SDCCAG8: variants seen among roughly 807,000 people sequenced by gnomAD.
SDCCAG8 encodes serologically defined colon cancer antigen 8.
A neutral mutation model predicts 101.8 loss-of-function variants in SDCCAG8; 74 were observed. The ratio of observed to expected loss-of-function variants is 0.73; its 90% CI spans 0.60 to 0.88. SDCCAG8 has a LOEUF of 0.88. Among genes scored for constraint, SDCCAG8 ranks in the 40% least tolerant of loss-of-function variants. The pLI, the probability that SDCCAG8 is intolerant of heterozygous loss-of-function variation, is 0.00. For synonymous variants in SDCCAG8, 281 were observed against 292.9 expected, an observed-to-expected ratio of 0.96 and a Z score of 0.41; for missense variants, 787 against 822.6, an observed-to-expected ratio of 0.96 and a Z score of 0.53.
In SDCCAG8 at chr1:243,454,793, C is replaced by G. The variant is rs144608294; in HGVS notation, c.1985+28235C>G. On this transcript the variant is annotated intron_variant, in intron 16 of 17. Coordinates refer to ENST00000366541, the MANE Select transcript of SDCCAG8 (RefSeq NM_006642.5). ...AGCATAGCATTTTGCAAGAGTGGAC[C>G]GTTCACCTGGTCAGGATTTCAGTCA... 3.7e-3 allele frequency among the ~76,000 whole-genome samples: 559 copies of G among 152,192 alleles called. 4 individuals are homozygous for G. Among genetic ancestry groups the G allele is most frequent in the African/African-American group, 0.013 (526 of 41,522 alleles).
At chr1:243,366,007 T>C (rs1477690969) in intron 12 of SDCCAG8, among the ~76,000 whole-genome samples, 1 of 152,094 alleles carries the variant, frequency 6.6e-6, no homozygotes, top group Non-Finnish European at 1.5e-5. Flanking sequence ...TAATTTAGGA[T>C]TATGAATGGC....
chr1:243,396,876 G>T (rs2079064922), intron 13 of SDCCAG8, among the ~76,000 whole-genome samples: 2 of 152,188 alleles, frequency 1.3e-5, no homozygotes, highest in African/African-American at 4.8e-5. Flanking sequence ...TCTTCTGCTG[G>T]TTAGCAGTAG....
chr1:243,485,325 T>C (rs910499709), intron 16 of SDCCAG8, among the ~76,000 whole-genome samples: 1 of 152,202 alleles, frequency 6.6e-6, no homozygotes, highest in Non-Finnish European at 1.5e-5. Flanking sequence ...ATTTAACAGG[T>C]AGTTTATTAA....
intron 12 of SDCCAG8, among the ~76,000 whole-genome samples, chr1:243,370,955 G>C (rs2077256459): frequency 6.6e-6 from 1 of 152,120 alleles, no homozygotes; most frequent in Admixed American, 6.6e-5. Context: ...TTCTTAGGCT[G>C]GCGTGGAGTT....
At position 243,475,074 on chromosome 1, in the gene SDCCAG8, G is replaced by A. The variant is rs574349444; in HGVS notation, c.1986-13940G>A. ...CAGCCTGGGAGGAGAGGAGCTGGCA[G>A]GGCAGGCCGCCCCCAGACACGCACA... On this transcript the variant is annotated intron_variant, in intron 16 of 17. Transcript: ENST00000366541. Among the ~76,000 whole-genome samples the A allele has an allele frequency of 3.9e-5, 6 of 152,280 alleles. No individual in the cohort carries two copies. In the South Asian group the frequency reaches 1.2e-3, roughly 32 times the overall value.
intron 5 of SDCCAG8, among the ~76,000 whole-genome samples, chr1:243,291,079 A>G (rs1185942296): frequency 6.6e-6 from 1 of 152,236 alleles, no homozygotes; most frequent in Non-Finnish European, 1.5e-5. Flanking sequence ...AGGTGAATGT[A>G]GTTTACCACG....
intron 13 of SDCCAG8, among the ~76,000 whole-genome samples, chr1:243,387,663 A>G (rs907380456): frequency 1.3e-5 from 2 of 152,166 alleles, no homozygotes; most frequent in Non-Finnish European, 2.9e-5. Flanking sequence ...AGAGTGATAG[A>G]GGCTGCCTTT....
intron 4 of SDCCAG8, among the ~76,000 whole-genome samples, chr1:243,283,650 G>C (rs2069288509): frequency 6.6e-6 from 1 of 151,908 alleles, no homozygotes; most frequent in African/African-American, 2.4e-5. Flanking sequence ...TTTTCATAGA[G>C]TTTTCATCTC....
intron 13 of SDCCAG8, among the ~76,000 whole-genome samples, chr1:243,404,593 C>T (rs889579104): frequency 6.6e-5 from 10 of 152,096 alleles, no homozygotes; most frequent in African/African-American, 1.4e-4. Flanking sequence ...CTTGGGCTCA[C>T]GTCAGTTTTT....
chr1:243,455,934 G>A (rs974699408), intron 16 of SDCCAG8, among the ~76,000 whole-genome samples: 2 of 152,138 alleles, frequency 1.3e-5, no homozygotes, highest in African/African-American at 2.4e-5. Context: ...GTTGGGCATC[G>A]CTGTGGCCCC....
At chr1:243,492,118 T>C (rs1666578492) in intron 17 of SDCCAG8, among the ~76,000 whole-genome samples, 1 of 151,730 alleles carries the variant, frequency 6.6e-6, no homozygotes, top group South Asian at 2.1e-4. Flanking sequence ...TTCTAATTGT[T>C]TCTGCTTGAA....
intron 12 of SDCCAG8, among the ~76,000 whole-genome samples, chr1:243,375,026 A>G (rs2077517836): frequency 6.6e-6 from 1 of 152,164 alleles, no homozygotes; most frequent in South Asian, 2.1e-4. Flanking sequence ...TTTAAACAAG[A>G]TAATGCTTGT....
Position 243,341,052 on chromosome 1 carries a change from C to T in SDCCAG8, c.1235C>T (p.Ser412Phe). 2 of 1,613,528 alleles carry T rather than the reference C, an allele frequency of 1.2e-6. No individual in the cohort carries two copies. Among genetic ancestry groups the T allele is most frequent in the African/African-American group, 2.7e-5 (2 of 75,018 alleles). Residue 412 changes from serine to phenylalanine, a missense_variant, in exon 11 of 18, where the codon TCT becomes TTT. Transcript: ENST00000366541. The part of the protein sequence containing the change: ...EYMGSKMLIL[S>F]QNIAQLEAQV... ...TTTCCCTTACAGATGTTGATCTTGT[C>T]TCAGAATATTGCCCAACTGGAGGCC...
At chr1:243,489,422 G>A (rs555827085) in intron 17 of SDCCAG8, among the ~76,000 whole-genome samples, 1 of 152,336 alleles carries the variant, frequency 6.6e-6, no homozygotes, top group African/African-American at 2.4e-5. Context: ...GGCTGCGGAG[G>A]GTGCGAGAGC....
intron 16 of SDCCAG8, among the ~76,000 whole-genome samples, chr1:243,432,280 C>T (rs1210394374): frequency 6.7e-6 from 1 of 148,194 alleles, no homozygotes; most frequent in Non-Finnish European, 1.5e-5. Flanking sequence ...AGTGCAGGAA[C>T]AAAAAACCAG....
chr1:243,408,261 C>T (rs909778345), intron 13 of SDCCAG8, among the ~76,000 whole-genome samples: 3 of 152,098 alleles, frequency 2.0e-5, no homozygotes, highest in African/African-American at 2.4e-5. Context: ...TCCAGATTTT[C>T]GGGATAAATT....
At chr1:243,407,344 TTATC>T (rs2079857488) in intron 13 of SDCCAG8, among the ~76,000 whole-genome samples, 5 of 152,174 alleles carry the variant, frequency 3.3e-5, no homozygotes, top group Non-Finnish European at 7.3e-5. Flanking sequence ...TTGAGACACT[TTATC>T]TATCAAACAG....
At chr1:243,317,794 T>A (rs528451162) in intron 9 of SDCCAG8, among the ~76,000 whole-genome samples, 94 of 152,344 alleles carry the variant, frequency 6.2e-4, no homozygotes, top group African/African-American at 2.1e-3. Context: ...AAGTTGCATG[T>A]ATTTTCCCTA....
rs1188913567 is a variant in SDCCAG8, at chr1:243,258,432, T to G, written c.67+2192T>G. Among the ~76,000 whole-genome samples, 2 of 152,240 alleles carry G rather than the reference T, an allele frequency of 1.3e-5. 1 individual carries two copies. Among genetic ancestry groups the G allele is most frequent in the East Asian group, 3.9e-4 (2 of 5,188 alleles). ...ATAATTTATTTATTTAGAGATGGAG[T>G]CTCACTCTGTCATCCAGGCTGAAAT... On this transcript the variant is annotated intron_variant, in intron 1 of 17. Transcript: ENST00000366541.
Sources: allele counts gnomAD v4.1 joint callset (sites outside exome capture counted in the v4.1 genomes callset), GRCh38; gene constraint gnomAD v4.1.1; transcripts MANE v1.5; gene names NCBI Gene and HGNC (gene_info 2026-07-23, HGNC 2026-07-21).